The following CATSPERT variants were observed in gnomAD, a reference collection of about 807,000 sequenced individuals.
The protein encoded by CATSPERT is catsper channel auxiliary subunit tau, also known as cation channel sperm-associated targeting subunit tau.
At chr2:201,498,603 C>T in the CATSPERT span, among the ~76,000 whole-genome samples, 2 of 152,148 alleles carry the variant, frequency 1.3e-5, no homozygotes, top group Non-Finnish European at 2.9e-5. Context: ...CAATACTTTT[C>T]TAGCCCTCTA....
the CATSPERT span, among the ~76,000 whole-genome samples, chr2:201,593,431 T>C: frequency 2.0e-4 from 31 of 151,782 alleles, no homozygotes; most frequent in Non-Finnish European, 3.5e-4. Context: ...ATAGGTGTGT[T>C]ACGGTGCTGA....
chr2:201,500,228 C>T, the CATSPERT span, among the ~76,000 whole-genome samples: 1 of 151,900 alleles, frequency 6.6e-6, no homozygotes, highest in African/African-American at 2.4e-5. Context: ...AAAACAGAGG[C>T]CGACAGTCAG....
chr2:201,515,213 T>TAG, the CATSPERT span, among the ~76,000 whole-genome samples: 124 of 26,184 alleles, frequency 4.7e-3, 32 homozygotes, highest in Non-Finnish European at 5.7e-3. Flanking sequence ...TTTTTTTTTT[T>TAG]TTTTTTTTTT....
the CATSPERT span, chr2:201,535,949 C>T: frequency 6.3e-7 from 1 of 1,585,148 alleles, no homozygotes; most frequent in Non-Finnish European, 8.6e-7. Context: ...TGTTGTTTTG[C>T]CAGCTAATTT....
At chr2:201,587,781 C>G in the CATSPERT span, among the ~76,000 whole-genome samples, 1 of 149,406 alleles carries the variant, frequency 6.7e-6, no homozygotes, top group Non-Finnish European at 1.5e-5. Context: ...CTTCTGGATT[C>G]AAATAAAGAC....
At chr2:201,589,046 T>G in the CATSPERT span, among the ~76,000 whole-genome samples, 1 of 151,962 alleles carries the variant, frequency 6.6e-6, no homozygotes, top group African/African-American at 2.4e-5. Flanking sequence ...TACAGCTAAC[T>G]AGAGAGGTGA....
chr2:201,571,155 T>G, the CATSPERT span, among the ~76,000 whole-genome samples: 1 of 152,234 alleles, frequency 6.6e-6, no homozygotes, highest in Non-Finnish European at 1.5e-5. Context: ...TTAATAAATG[T>G]ATGAAGAAGA....
At chr2:201,615,878 A>G in the CATSPERT span, among the ~76,000 whole-genome samples, 8 of 152,298 alleles carry the variant, frequency 5.3e-5, no homozygotes, top group East Asian at 1.5e-3. Context: ...AGGGGATATC[A>G]CCACCGATCC....
chr2:201,596,362 G>A, the CATSPERT span, among the ~76,000 whole-genome samples: 1 of 152,122 alleles, frequency 6.6e-6, no homozygotes, highest in Admixed American at 6.5e-5. Context: ...ACTTATAGGT[G>A]GGAGCTAAAT....
At chr2:201,496,232 AAAAAT>A in the CATSPERT span, among the ~76,000 whole-genome samples, 3 of 152,234 alleles carry the variant, frequency 2.0e-5, no homozygotes, top group Admixed American at 6.5e-5. Context: ...AAACAAAAGT[AAAAAT>A]AAAATAGAAT....
chr2:201,488,100 C>T, the CATSPERT span, among the ~76,000 whole-genome samples: 2 of 152,324 alleles, frequency 1.3e-5, no homozygotes, highest in Admixed American at 1.3e-4. Context: ...TCAGACCCTA[C>T]ACCCGATGCC....
the CATSPERT span, among the ~76,000 whole-genome samples, chr2:201,584,568 A>G: frequency 5.3e-5 from 8 of 152,050 alleles, no homozygotes. Context: ...GTGAATCACA[A>G]GGTCAGGAGT....
the CATSPERT span, among the ~76,000 whole-genome samples, chr2:201,564,117 C>T: frequency 6.6e-6 from 1 of 152,160 alleles, no homozygotes; most frequent in Non-Finnish European, 1.5e-5. Context: ...CCTAAGTTAC[C>T]TCATGTGCCT....
At chr2:201,541,534 TATA>T in the CATSPERT span, among the ~76,000 whole-genome samples, 1 of 15,948 alleles carries the variant, frequency 6.3e-5, no homozygotes, top group African/African-American at 1.6e-4. Flanking sequence ...GATGATTTTA[TATA>T]TATATATATA....
chr2:201,499,324 T>C, the CATSPERT span, among the ~76,000 whole-genome samples: 3 of 152,222 alleles, frequency 2.0e-5, no homozygotes, highest in Non-Finnish European at 4.4e-5. Flanking sequence ...AGCTGTATGA[T>C]AATTATCTCA....
the CATSPERT span, chr2:201,549,885 T>C: frequency 5.3e-5 from 8 of 152,152 alleles, no homozygotes; most frequent in South Asian, 6.2e-4. Flanking sequence ...CTATACATGA[T>C]AGGTAAAATG....
the CATSPERT span, among the ~76,000 whole-genome samples, chr2:201,508,053 A>G: frequency 6.6e-6 from 1 of 152,356 alleles, no homozygotes; most frequent in South Asian, 2.1e-4. Context: ...ATCAAACCAC[A>G]TCACATGTTA....
the CATSPERT span, among the ~76,000 whole-genome samples, chr2:201,556,429 A>T: frequency 6.6e-6 from 1 of 151,754 alleles, no homozygotes; most frequent in Non-Finnish European, 1.5e-5. Flanking sequence ...GAATGGCGTG[A>T]ACCCGGGAGG....
chr2:201,619,070 C>T, the CATSPERT span: 6 of 1,614,178 alleles, frequency 3.7e-6, no homozygotes, highest in Admixed American at 1.0e-4. Context: ...AGGACTTGGA[C>T]CTGCCCGCTG....
Sources: gnomAD v4.1 joint callset for allele counts (sites outside exome capture counted in the v4.1 genomes callset) on GRCh38, gnomAD v4.1.1 for gene constraint, MANE v1.5 for transcripts, NCBI Gene and HGNC (gene_info 2026-07-23, HGNC 2026-07-21) for gene names.